The following RO60 variants were observed in gnomAD, a reference collection of about 807,000 sequenced individuals.
The protein encoded by RO60 is Ro60, Y RNA binding protein, also known as RNA-binding protein RO60.
In RO60, 20 loss-of-function variants were observed where a neutral mutation model predicts 55.3. The observed-to-expected ratio is 0.36, with a 90% CI of 0.25 to 0.53. RO60 has a LOEUF of 0.53. Among genes scored for constraint, RO60 ranks in the 20% least tolerant of loss-of-function variants. The pLI, the probability that RO60 is intolerant of heterozygous loss-of-function variation, is 0.92. For missense variants in RO60, 558 were observed against 646.6 expected, an observed-to-expected ratio of 0.86 and a Z score of 1.49; for synonymous variants, 213 against 213.6, an observed-to-expected ratio of 1.00 and a Z score of 0.02.
At position 193,085,445 on chromosome 1, in the gene RO60, C is replaced by CTTTTTTTTTTTTTGTTTTTT. The variant is rs534821329; in HGVS notation, c.*726_*727insTGTTTTTTTTTTTTTTTTTT. The CTTTTTTTTTTTTTGTTTTTT allele has an allele frequency of 2.4e-6, 1 of 418,512 alleles. No individual in the cohort carries two copies. 25.9% of individuals were successfully genotyped at this position (418,512 alleles called of 1,614,324 possible). ...TGGCTGAGGGATTCTATTTGGTTTG[C>CTTTTTTTTTTTTTGTTTTTT]TTTTTTTTTTTTGCTTTGTTATATT... On this transcript the variant is annotated 3_prime_UTR_variant, in exon 9 of 9. Transcript: ENST00000400968.
In RO60 at chr1:193,076,510, G is replaced by A. The variant is rs755502248; in HGVS notation, c.811G>A (p.Ala271Thr). 3 of 1,611,166 alleles carry A rather than the reference G, an allele frequency of 1.9e-6. No individual in the cohort carries two copies. The highest frequency in any genetic ancestry group is 1.7e-4 in the Middle Eastern group (1 of 6,046). The change falls in exon 4 of 9, where the codon GCT becomes ACT. Residue 271 changes from alanine to threonine, a missense_variant. Ala to Thr is a moderately conservative substitution (Grantham distance 58). Transcript: ENST00000400968. ...TATGTTATTGCAATAGGTATGGAAGGCTTTGTTACAAGAAATGCCGCTTAC... is the reference window on the plus strand; with the variant it reads ...TATGTTATTGCAATAGGTATGGAAGACTTTGTTACAAGAAATGCCGCTTAC... ...NHLKSKEVWKALLQEMPLTAL... is the reference protein window; with the variant it reads ...NHLKSKEVWKTLLQEMPLTAL...
chr1:193,068,397 A>G (rs1319021090), intron 1 of RO60, among the ~76,000 whole-genome samples: 1 of 152,260 alleles, frequency 6.6e-6, no homozygotes, highest in Non-Finnish European at 1.5e-5. Flanking sequence ...ACTGGCTTAG[A>G]GCAATAAAGA....
Position 193,086,047 on chromosome 1 carries a change from C to T in RO60, c.*1316C>T, listed in dbSNP as rs1279955510. On this transcript the variant is annotated 3_prime_UTR_variant, in exon 9 of 9. Coordinates refer to ENST00000400968, the MANE Select transcript of RO60 (RefSeq NM_001173524.2). ...GTAGCTTACACATAAAACCTGTTTG[C>T]GTATCTGTTGTTCTCTAAATATTAA... is the stretch of plus-strand genomic sequence containing the variant. 17 of 981,926 alleles carry T rather than the reference C, an allele frequency of 1.7e-5. No individual in the cohort carries two copies. The East Asian group carries it at 3.4e-4, about 20-fold the overall frequency. The allele number at this position is 981,926 out of a possible 1,614,324, so 60.8% of individuals were successfully genotyped here. A position where few individuals can be genotyped will look rare whatever the true frequency, so the allele number is the denominator to read the frequency against.
At position 193,069,600 on chromosome 1, in the gene RO60, A is replaced by G. The variant is rs753395558; in HGVS notation, c.546A>G (p.Leu182=). The G allele has an allele frequency of 3.9e-5, 63 of 1,613,778 alleles. No individual in the cohort carries two copies. In the Admixed American group the frequency reaches 8.2e-4, roughly 21 times the overall value. The change falls in exon 2 of 9, where the codon CTA becomes CTG. Residue 182 remains leucine (L), a synonymous_variant. Coordinates refer to ENST00000400968, the MANE Select transcript of RO60 (RefSeq NM_001173524.2). The stretch of plus-strand genomic sequence containing the variant: ...GAAATGGCTGGTCTCACAAAGATCT[A>G]TTAAGATTGTCACATCTTAAACCTT... ...KQRNGWSHKD[L]LRLSHLKPSS...
rs1192332519 is a variant in RO60, at chr1:193,088,158, C to T, written c.*3427C>T. 1 of 138,460 alleles carries T rather than the reference C, an allele frequency of 7.2e-6. No homozygotes were observed. Among genetic ancestry groups the T allele is most frequent in the African/African-American group, 3.2e-5 (1 of 31,502 alleles). The allele number at this position is 138,460 out of a possible 1,614,324, so 8.6% of individuals were successfully genotyped here. On this transcript the variant is annotated 3_prime_UTR_variant, in exon 9 of 9. Coordinates refer to ENST00000400968, the MANE Select transcript of RO60 (RefSeq NM_001173524.2). ...CACTGGTGTGCACTGCACTACCACG[C>T]CTGCTTTTTTTTTTTTTTTTTTTTT...
At chr1:193,077,601 A>T (rs1674015040) in intron 5 of RO60, among the ~76,000 whole-genome samples, 1 of 152,202 alleles carries the variant, frequency 6.6e-6, no homozygotes, top group South Asian at 2.1e-4. Flanking sequence ...CGCCCCCATG[A>T]TTCAATTATC....
At chr1:193,078,753 TAC>T (rs754276874) in intron 5 of RO60, among the ~76,000 whole-genome samples, 1 of 152,052 alleles carries the variant, frequency 6.6e-6, no homozygotes, top group Non-Finnish European at 1.5e-5. Context: ...CATCTGTGTT[TAC>T]AGATTGGAAG....
Position 193,088,347 on chromosome 1 carries a change from A to G in RO60, c.*3616A>G, listed in dbSNP as rs1368637053. ...CTCTTAATCTTTTAAAGTAACCAGT[A>G]AATCTACAAATAGTAAAGTACTATT... On this transcript the variant is annotated 3_prime_UTR_variant, in exon 9 of 9. Coordinates refer to ENST00000400968, the MANE Select transcript of RO60 (RefSeq NM_001173524.2). 6.7e-6 allele frequency: 1 copy of G among 150,248 alleles called. No homozygotes were observed. The highest frequency in any genetic ancestry group is 1.5e-5 in the Non-Finnish European group (1 of 67,736). The allele number at this position is 150,248 out of a possible 1,614,324, so 9.3% of individuals were successfully genotyped here. A position where few individuals can be genotyped will look rare whatever the true frequency, so the allele number is the denominator to read the frequency against.
Position 193,086,135 on chromosome 1 carries a change from T to A in RO60, c.*1404T>A. 1 of 707,088 alleles carries A rather than the reference T, an allele frequency of 1.4e-6. No individual in the cohort carries two copies. The highest frequency in any genetic ancestry group is 1.7e-6 in the Non-Finnish European group (1 of 576,448). 43.8% of individuals were successfully genotyped at this position (707,088 alleles called of 1,614,324 possible). A position where few individuals can be genotyped will look rare whatever the true frequency, so the allele number is the denominator to read the frequency against. On this transcript the variant is annotated 3_prime_UTR_variant, in exon 9 of 9. Transcript: ENST00000400968. ...TGTTATGTGAAAAGTCAAACTGTAG[T>A]TAATGTAAATTATAGCCTTTTAGGT...
At position 193,090,869 on chromosome 1, in the gene RO60, T is replaced by A. The variant is rs1379677754; in HGVS notation, c.*6138T>A. The A allele has an allele frequency of 6.6e-6, 1 of 152,114 alleles. No homozygotes were observed. The highest frequency in any genetic ancestry group is 1.5e-5 in the Non-Finnish European group (1 of 67,964). The allele number at this position is 152,114 out of a possible 1,614,324, so 9.4% of individuals were successfully genotyped here. On this transcript the variant is annotated 3_prime_UTR_variant, in exon 9 of 9. Transcript: ENST00000400968. ...TCTGAAATACAGAACTCAAAGGGTC[T>A]TTTAGAGCTTTTAATTTTACATAGT...
rs535952349 is a variant in RO60, at chr1:193,074,065, A to T, written c.581-1755A>T. On this transcript the variant is annotated intron_variant, in intron 2 of 8. Coordinates refer to ENST00000400968, the MANE Select transcript of RO60 (RefSeq NM_001173524.2). ...ATCCATGTCCCTACAAAGGACATGA[A>T]CTCATCCTTTTTATGGCTGCATAGT... Among the ~76,000 whole-genome samples the T allele has an allele frequency of 5.9e-5, 9 of 152,074 alleles. No homozygotes were observed. The East Asian group carries it at 1.7e-3, about 29-fold the overall frequency.
chr1:193,066,994 G>A (rs778759889), intron 1 of RO60, among the ~76,000 whole-genome samples: 2 of 151,632 alleles, frequency 1.3e-5, no homozygotes, highest in African/African-American at 4.9e-5. Flanking sequence ...TTCCACTACA[G>A]CACTTAATCA....
intron 1 of RO60, among the ~76,000 whole-genome samples, chr1:193,064,654 T>C (rs999158251): frequency 7.9e-5 from 12 of 152,238 alleles, no homozygotes; most frequent in Admixed American, 3.3e-4. Flanking sequence ...TCCACTGTTT[T>C]ATGTTGCACT....
At chr1:193,081,874 T>C (rs1010225688) in intron 6 of RO60, among the ~76,000 whole-genome samples, 2 of 152,212 alleles carry the variant, frequency 1.3e-5, no homozygotes, top group Non-Finnish European at 2.9e-5. Context: ...ACTTTAGTTC[T>C]ATCCTGTCAG....
At position 193,085,550 on chromosome 1, in the gene RO60, T is replaced by C; in HGVS notation, c.*819T>C. 1 of 984,704 alleles carries C rather than the reference T, an allele frequency of 1.0e-6. No homozygotes were observed. Among genetic ancestry groups the C allele is most frequent in the East Asian group, 1.1e-4 (1 of 8,820 alleles). The allele number at this position is 984,704 out of a possible 1,614,324, so 61.0% of individuals were successfully genotyped here. ...TAGCCAGATGTAGTCTCACACTGTTTTTCATACTCTTAAGTGTAAATAATA... is the reference window on the plus strand; with the variant it reads ...TAGCCAGATGTAGTCTCACACTGTTCTTCATACTCTTAAGTGTAAATAATA... On this transcript the variant is annotated 3_prime_UTR_variant, in exon 9 of 9. Transcript: ENST00000400968.
rs547405456 is a variant in RO60 at position 193,063,358 on chromosome 1, G to T, written c.-22+3582G>T. Among the ~76,000 whole-genome samples the T allele has an allele frequency of 7.9e-5, 12 of 152,146 alleles. No homozygotes were observed. The South Asian group carries it at 2.5e-3, about 32-fold the overall frequency. On this transcript the variant is annotated intron_variant, in intron 1 of 8. Transcript: ENST00000400968. ...ACCTTTTCAGATTCTTTACCCATTT[G>T]TGTGTCTTTGGAGTAATATTCACAT...
rs143447820 is a variant in RO60 at position 193,059,804 on chromosome 1, G to A, written c.-22+28G>A. On this transcript the variant is annotated intron_variant, in intron 1 of 8. Transcript: ENST00000400968. The surrounding 1 kb of genome is among the most constrained non-coding windows in gnomAD (Gnocchi z 4.9). ...GAGGACATTGCGGGAGGCCGGCTGG[G>A]AGCCTTTTGTGCGGCCCCAGGGACG... 12,320 of 1,356,706 alleles carry A rather than the reference G, an allele frequency of 9.1e-3. 71 individuals carry two copies. The highest frequency in any genetic ancestry group is 0.01 in the Non-Finnish European group (10,275 of 1,017,350). 84.0% of individuals were successfully genotyped at this position (1,356,706 alleles called of 1,614,324 possible).
At chr1:193,084,100 C>A (rs1674499646) in intron 8 of RO60, among the ~76,000 whole-genome samples, 1 of 152,168 alleles carries the variant, frequency 6.6e-6, no homozygotes, top group Non-Finnish European at 1.5e-5. Flanking sequence ...CTCAAAAATT[C>A]AATTATTTTA....
At chr1:193,073,628 C>T (rs1157214714) in intron 2 of RO60, among the ~76,000 whole-genome samples, 1 of 152,172 alleles carries the variant, frequency 6.6e-6, no homozygotes, top group African/African-American at 2.4e-5. Flanking sequence ...GGCTGGAGCA[C>T]AGTGGCACGA....
Sources: allele counts gnomAD v4.1 joint callset (sites outside exome capture counted in the v4.1 genomes callset), GRCh38; gene constraint gnomAD v4.1.1; non-coding constraint Gnocchi (gnomAD v3.1); transcripts MANE v1.5; gene names NCBI Gene and HGNC (gene_info 2026-07-23, HGNC 2026-07-21).